The following NDRG1 variants were observed in gnomAD, a reference collection of about 807,000 sequenced individuals.
NDRG1 encodes protein NDRG1.
Under a neutral mutation model 56.9 loss-of-function variants are expected in NDRG1, and 32 were observed. The ratio of observed to expected loss-of-function variants is 0.56; its 90% CI spans 0.42 to 0.76. NDRG1 has a LOEUF of 0.76. NDRG1 is among the 30% of genes least tolerant of loss of function. The pLI is 0.00. For synonymous variants in NDRG1, 211 were observed against 204.1 expected (o/e 1.03, Z -0.29); for missense variants, 507 against 545.7 (o/e 0.93, Z 0.71).
chr8:133,255,202 A>G (rs1284121259), intron 8 of NDRG1: 6 of 441,242 alleles, frequency 1.4e-5, no homozygotes, highest in Non-Finnish European at 2.7e-5. Context: ...GAAGCTCTAG[A>G]CCTAAGGGTC....
chr8:133,251,809 G>A (rs529028049), intron 9 of NDRG1, among the ~76,000 whole-genome samples: 3 of 152,334 alleles, frequency 2.0e-5, no homozygotes, highest in African/African-American at 7.2e-5. Context: ...TAAGGATCTT[G>A]AGATGAGATA....
At chr8:133,280,915 C>T (rs1290556101) in intron 2 of NDRG1, 1 of 152,600 alleles carries the variant, frequency 6.6e-6, no homozygotes, top group African/African-American at 2.4e-5. Flanking sequence ...CACCCATGTG[C>T]TATACTTTTA....
chr8:133,271,987 T>A (rs1857215781), intron 3 of NDRG1, among the ~76,000 whole-genome samples: 1 of 151,964 alleles, frequency 6.6e-6, no homozygotes, highest in Non-Finnish European at 1.5e-5. Flanking sequence ...AGGTGCCCAA[T>A]GAGATAACAG....
chr8:133,269,096 T>C (rs574655268), intron 3 of NDRG1, among the ~76,000 whole-genome samples: 121 of 152,328 alleles, frequency 7.9e-4, no homozygotes, highest in Non-Finnish European at 1.5e-3. Flanking sequence ...GTGTCTTCTA[T>C]GTTTTCCCAA....
At position 133,246,475 on chromosome 8, in the gene NDRG1, C is replaced by T. The variant is rs910046104; in HGVS notation, c.855+141G>A. 5 of 947,642 alleles carry T rather than the reference C, an allele frequency of 5.3e-6. No homozygotes were observed. In the African/African-American group the frequency reaches 6.5e-5, roughly 12 times the overall value. 58.7% of individuals were successfully genotyped at this position (947,642 alleles called of 1,614,324 possible). On this transcript the variant is annotated intron_variant, in intron 13 of 15. Coordinates refer to ENST00000323851, the MANE Select transcript of NDRG1 (RefSeq NM_006096.4). Reference sequence around the variant, plus strand: ...CACCAGTCAGCACCCAATATATGTTCATAAACAGATAGATTAAATCATTAA... The same window carrying T: ...CACCAGTCAGCACCCAATATATGTTTATAAACAGATAGATTAAATCATTAA...
intron 14 of NDRG1, 71 bp from the exon 15 acceptor site, chr8:133,242,145 G>A: frequency 6.7e-7 from 1 of 1,495,898 alleles, no homozygotes; most frequent in Non-Finnish European, 9.3e-7. Flanking sequence ...ATGGGGGGCT[G>A]TGCCTGTGGT....
Position 133,287,481 on chromosome 8 carries a change from C to G in NDRG1, c.-18-3152G>C, listed in dbSNP as rs570566101. The stretch of plus-strand genomic sequence containing the variant: ...ATCTGGGGATCATGAGCAAACAGAC[C>G]CAGTTCCTGCCCCCACGGAGCTCAC... On this transcript the variant is annotated intron_variant, in intron 1 of 15. Transcript: ENST00000323851. Among the ~76,000 whole-genome samples the G allele has an allele frequency of 2.6e-5, 4 of 152,352 alleles. No homozygotes were observed. The South Asian group carries it at 8.3e-4, about 32-fold the overall frequency.
chr8:133,277,381 T>C (rs1857506639), intron 3 of NDRG1, among the ~76,000 whole-genome samples: 2 of 152,040 alleles, frequency 1.3e-5, no homozygotes, highest in African/African-American at 4.8e-5. Flanking sequence ...CTGGCCAACA[T>C]GGAAAAACCC....
intron 10 of NDRG1, chr8:133,249,503 G>C (rs1417875736): frequency 6.5e-6 from 1 of 154,884 alleles, no homozygotes. Flanking sequence ...AGTAATTCCA[G>C]GACCTTCACA....
At chr8:133,293,925 G>A (rs534165704) in intron 1 of NDRG1, among the ~76,000 whole-genome samples, 26 of 152,320 alleles carry the variant, frequency 1.7e-4, no homozygotes, top group African/African-American at 4.6e-4. Context: ...GGTAGGTTTA[G>A]GACAAAGGGT....
At chr8:133,266,921 C>T (rs1387086528) in intron 3 of NDRG1, among the ~76,000 whole-genome samples, 1 of 152,126 alleles carries the variant, frequency 6.6e-6, no homozygotes, top group Non-Finnish European at 1.5e-5. Context: ...TTAAGACCAA[C>T]GATTCTCAAC....
chr8:133,254,458 C>A, intron 9 of NDRG1, 81 bp downstream of exon 9: 1 of 1,481,488 alleles, frequency 6.7e-7, no homozygotes, highest in Non-Finnish European at 9.4e-7. Context: ...TTCTCTCCAC[C>A]CCCACATGGG....
intron 5 of NDRG1, chr8:133,259,526 C>T: frequency 2.1e-6 from 1 of 465,826 alleles, no homozygotes. Context: ...ATAAACATCA[C>T]TGAGGCTGAG....
At chr8:133,263,527 A>C (rs1856759227) in intron 4 of NDRG1, among the ~76,000 whole-genome samples, 1 of 152,210 alleles carries the variant, frequency 6.6e-6, no homozygotes, top group African/African-American at 2.4e-5. Context: ...CACCTAAGAA[A>C]ACCCTCCTGG....
intron 10 of NDRG1, chr8:133,249,593 T>C (rs1564283656): frequency 6.5e-6 from 1 of 153,530 alleles, no homozygotes; most frequent in Non-Finnish European, 1.4e-5. Flanking sequence ...CGGGCTGTGC[T>C]GGTTTCCTCT....
At chr8:133,274,426 T>A (rs1307198533) in intron 3 of NDRG1, among the ~76,000 whole-genome samples, 1 of 152,228 alleles carries the variant, frequency 6.6e-6, no homozygotes, top group Non-Finnish European at 1.5e-5. Flanking sequence ...TTTCAAGGAA[T>A]GACATCGGCT....
At chr8:133,264,344 C>T (rs1408157871) in intron 4 of NDRG1, among the ~76,000 whole-genome samples, 2 of 152,252 alleles carry the variant, frequency 1.3e-5, no homozygotes, top group East Asian at 3.8e-4. Context: ...CCAGCGCCTC[C>T]GGGCACACAG....
chr8:133,260,116 G>A (rs909899582), intron 5 of NDRG1, among the ~76,000 whole-genome samples: 4 of 152,220 alleles, frequency 2.6e-5, no homozygotes, highest in African/African-American at 4.8e-5. Context: ...AGCTCCTAAG[G>A]TGTGACACTG....
chr8:133,284,570 A>C (rs1272527445), intron 1 of NDRG1, among the ~76,000 whole-genome samples: 1 of 152,150 alleles, frequency 6.6e-6, no homozygotes. Flanking sequence ...AGGCTCACAG[A>C]CACCACCCTC....
Sources: gnomAD v4.1 joint callset for allele counts (sites outside exome capture counted in the v4.1 genomes callset) on GRCh38, gnomAD v4.1.1 for gene constraint, MANE v1.5 for transcripts, NCBI Gene and HGNC (gene_info 2026-07-23, HGNC 2026-07-21) for gene names.